DNAJB6: variants seen among roughly 807,000 people sequenced by gnomAD.
DNAJB6 encodes the protein DnaJ heat shock protein family (Hsp40) member B6.
DNAJB6 carries 16 observed loss-of-function variants against 42.7 expected under a neutral mutation model. The observed-to-expected ratio is 0.37, with a 90% CI of 0.25 to 0.57. The LOEUF (loss-of-function observed/expected upper bound fraction) is 0.57, where lower values mean the gene tolerates loss of function less well. Ranked by LOEUF, DNAJB6 falls within the 20% of genes least tolerant of loss-of-function variation. DNAJB6 has a pLI of 0.74. For missense variants in DNAJB6, 347 were observed against 416.8 expected (o/e 0.83, Z 1.46); for synonymous variants, 170 against 163.5 (o/e 1.04, Z -0.30).
chr7:157,389,801 C>T (rs1801253158), intron 8 of DNAJB6, among the ~76,000 whole-genome samples: 1 of 152,192 alleles, frequency 6.6e-6, no homozygotes, highest in Admixed American at 6.5e-5. Context: ...TATGATTGGG[C>T]GTTAGAAGGC....
intron 5 of DNAJB6, chr7:157,369,285 G>A (rs979974423): frequency 1.1e-5 from 5 of 456,508 alleles, no homozygotes; most frequent in African/African-American, 4.0e-5. Context: ...AATAATTTAC[G>A]GATTGATCTC....
intron 1 of DNAJB6, among the ~76,000 whole-genome samples, chr7:157,345,824 C>G (rs139936188): frequency 4.6e-5 from 7 of 152,110 alleles, no homozygotes; most frequent in African/African-American, 1.7e-4. Context: ...TAATGGACAC[C>G]TATGCTTGTA....
At chr7:157,351,917 C>T (rs543242265) in intron 1 of DNAJB6, among the ~76,000 whole-genome samples, 8 of 152,116 alleles carry the variant, frequency 5.3e-5, no homozygotes, top group Non-Finnish European at 1.0e-4. Flanking sequence ...TGCTTGAACC[C>T]GGGAGGTGGG....
intron 1 of DNAJB6, among the ~76,000 whole-genome samples, chr7:157,345,942 C>T (rs1042715721): frequency 5.3e-5 from 8 of 151,910 alleles, no homozygotes; most frequent in Admixed American, 6.6e-5. Context: ...GCTGGTTTTT[C>T]CTGGCTGAGC....
chr7:157,401,604 G>A (rs1259607334), intron 8 of DNAJB6, among the ~76,000 whole-genome samples: 2 of 152,234 alleles, frequency 1.3e-5, no homozygotes, highest in African/African-American at 4.8e-5. Flanking sequence ...TAGATTTGAA[G>A]TCATGACATC....
At chr7:157,397,507 C>T (rs552639321) in intron 8 of DNAJB6, among the ~76,000 whole-genome samples, 1 of 152,324 alleles carries the variant, frequency 6.6e-6, no homozygotes, top group African/African-American at 2.4e-5. Flanking sequence ...TCGTGAGCCT[C>T]TTATGCTGGG....
intron 8 of DNAJB6, among the ~76,000 whole-genome samples, chr7:157,389,488 T>C (rs1329321836): frequency 6.6e-6 from 1 of 152,222 alleles, no homozygotes; most frequent in Non-Finnish European, 1.5e-5. Context: ...TGGAGGGGAC[T>C]GAATTACATA....
chr7:157,387,129 C>T (rs962386792), intron 8 of DNAJB6, among the ~76,000 whole-genome samples: 1 of 152,140 alleles, frequency 6.6e-6, no homozygotes, highest in African/African-American at 2.4e-5. Context: ...AGAGATTGCT[C>T]GGGATACGCC....
intron 3 of DNAJB6, among the ~76,000 whole-genome samples, chr7:157,363,476 G>C (rs574276107): frequency 1.3e-5 from 2 of 152,314 alleles, no homozygotes; most frequent in Admixed American, 1.3e-4. Flanking sequence ...GGGAGCTCCA[G>C]GGCTTCTAGT....
At chr7:157,381,632 AT>A (rs1563136500) in intron 5 of DNAJB6, 1 of 152,020 alleles carries the variant, frequency 6.6e-6, no homozygotes. Context: ...TTCAGATTTG[AT>A]TTCAGCTAAT....
chr7:157,401,073 GCCT>G (rs1210686500), intron 8 of DNAJB6, among the ~76,000 whole-genome samples: 1 of 152,170 alleles, frequency 6.6e-6, no homozygotes, highest in African/African-American at 2.4e-5. Flanking sequence ...GCAGCTGTCG[GCCT>G]CCTCGCCTCT....
intron 1 of DNAJB6, among the ~76,000 whole-genome samples, chr7:157,342,908 T>C (rs1798481775): frequency 6.6e-6 from 1 of 152,052 alleles, no homozygotes; most frequent in Non-Finnish European, 1.5e-5. Context: ...ATGAAATAAG[T>C]AGGTGATGTG....
chr7:157,345,409 C>T (rs1056929761), intron 1 of DNAJB6, among the ~76,000 whole-genome samples: 2 of 152,180 alleles, frequency 1.3e-5, no homozygotes, highest in South Asian at 2.1e-4. Context: ...TGATCTCTTG[C>T]GCTCAAGTGA....
intron 1 of DNAJB6, among the ~76,000 whole-genome samples, chr7:157,352,205 T>G (rs1394567533): frequency 6.6e-6 from 1 of 151,928 alleles, no homozygotes; most frequent in Non-Finnish European, 1.5e-5. Context: ...GGTGGGCACC[T>G]GTAATCCCAG....
At chr7:157,379,101 G>A (rs1376435697) in intron 5 of DNAJB6, 3 of 152,088 alleles carry the variant, frequency 2.0e-5, no homozygotes, top group Admixed American at 6.6e-5. Flanking sequence ...AAAATGGAAC[G>A]GAAAAGCATT....
At chr7:157,340,514 A>C (rs906518542) in intron 1 of DNAJB6, among the ~76,000 whole-genome samples, 4 of 151,554 alleles carry the variant, frequency 2.6e-5, no homozygotes, top group African/African-American at 9.8e-5. Flanking sequence ...CCTGCAGAAA[A>C]GTCAACTAGT....
At chr7:157,391,185 T>G (rs1257891615) in intron 8 of DNAJB6, among the ~76,000 whole-genome samples, 1 of 152,222 alleles carries the variant, frequency 6.6e-6, no homozygotes, top group Non-Finnish European at 1.5e-5. Context: ...GAACAGCAGT[T>G]GGAGCAGAAG....
intron 8 of DNAJB6, among the ~76,000 whole-genome samples, chr7:157,403,070 C>G (rs1170172108): frequency 1.3e-5 from 2 of 152,112 alleles, no homozygotes; most frequent in Non-Finnish European, 2.9e-5. Context: ...ATGAGGCGTC[C>G]CTACACGCAA....
intron 8 of DNAJB6, among the ~76,000 whole-genome samples, chr7:157,404,295 C>CT (rs1795663187): frequency 7.0e-6 from 1 of 142,812 alleles, no homozygotes; most frequent in Non-Finnish European, 1.5e-5. Flanking sequence ...TTTTTTTTTT[C>CT]TTTTTCTTTT....
Sources: allele counts gnomAD v4.1 joint callset (sites outside exome capture counted in the v4.1 genomes callset), GRCh38; gene constraint gnomAD v4.1.1; transcripts MANE v1.5; gene names NCBI Gene and HGNC (gene_info 2026-07-23, HGNC 2026-07-21).